ABHD12B: variants seen among roughly 807,000 people sequenced by gnomAD.
ABHD12B encodes the protein abhydrolase domain containing 12B.
In ABHD12B, 42 loss-of-function variants were observed where a neutral mutation model predicts 50.4. The ratio of observed to expected loss-of-function variants is 0.83; its 90% CI spans 0.65 to 1.08. The LOEUF (loss-of-function observed/expected upper bound fraction) is 1.08, where lower values mean the gene tolerates loss of function less well. Among genes scored for constraint, ABHD12B ranks in the 50% least tolerant of loss-of-function variants. The pLI, the probability that ABHD12B is intolerant of heterozygous loss-of-function variation, is 0.00. For missense variants in ABHD12B, 479 were observed against 447.7 expected (o/e 1.07, Z -0.63); for synonymous variants, 167 against 160.3 (o/e 1.04, Z -0.32).
intron 4 of ABHD12B, 37 bp downstream of exon 4, chr14:50,880,608 A>AT (rs752492456): frequency 6.6e-7 from 1 of 1,508,172 alleles, no homozygotes; most frequent in South Asian, 1.3e-5. Context: ...TTTTCAGGAG[A>AT]TTGAGAGCAT....
intron 9 of ABHD12B, chr14:50,893,812 T>G (rs2050153929): frequency 6.5e-6 from 1 of 153,460 alleles, no homozygotes; most frequent in Non-Finnish European, 1.5e-5. Context: ...TCCCTCAACC[T>G]CTTTCTCCTT....
intron 4 of ABHD12B, 97 bp downstream of exon 4, chr14:50,880,668 G>A: frequency 7.6e-7 from 1 of 1,309,278 alleles, no homozygotes; most frequent in Non-Finnish European, 1.0e-6. Context: ...TAACTCTGTA[G>A]GCATGCCTTC....
At chr14:50,890,604 T>A (rs558106200) in intron 9 of ABHD12B, among the ~76,000 whole-genome samples, 91 of 152,344 alleles carry the variant, frequency 6.0e-4, no homozygotes, top group Non-Finnish European at 1.0e-3. Flanking sequence ...ACATTATATT[T>A]GTGGGATTGT....
chr14:50,896,252 T>C (rs28848529), intron 9 of ABHD12B, among the ~76,000 whole-genome samples: 28,936 of 152,000 alleles, frequency 0.19, 3,462 homozygotes, highest in East Asian at 0.45. Flanking sequence ...TAAACTCTCC[T>C]TACAATTCCC....
chr14:50,895,733 C>T (rs1057426585), intron 9 of ABHD12B: 1 of 152,162 alleles, frequency 6.6e-6, no homozygotes, highest in Non-Finnish European at 1.5e-5. Flanking sequence ...GTAGGCCCGT[C>T]CCCTTCTTAA....
intron 1 of ABHD12B, among the ~76,000 whole-genome samples, chr14:50,873,265 C>G (rs1275877578): frequency 6.6e-6 from 1 of 151,838 alleles, no homozygotes; most frequent in African/African-American, 2.4e-5. Flanking sequence ...CTCTGTTGCC[C>G]AGGCTGGAGT....
At chr14:50,899,805 C>T (rs534348488) in intron 9 of ABHD12B, among the ~76,000 whole-genome samples, 1 of 152,012 alleles carries the variant, frequency 6.6e-6, no homozygotes, top group African/African-American at 2.4e-5. Flanking sequence ...GCCTGTAGTC[C>T]CAGCTACTTG....
intron 9 of ABHD12B, among the ~76,000 whole-genome samples, chr14:50,899,098 CA>C: frequency 6.6e-6 from 1 of 152,184 alleles, no homozygotes; most frequent in Admixed American, 6.5e-5. Context: ...GAGGTTGAGG[CA>C]GGAAAATCAC....
chr14:50,897,233 T>C (rs2050210978), intron 9 of ABHD12B, among the ~76,000 whole-genome samples: 1 of 151,794 alleles, frequency 6.6e-6, no homozygotes, highest in African/African-American at 2.4e-5. Flanking sequence ...CCAACACACC[T>C]GGTTAATTTT....
rs566646566 is a variant in ABHD12B at position 50,880,638 on chromosome 14, G to A, written c.455+67G>A. 33 of 1,452,490 alleles carry A rather than the reference G, an allele frequency of 2.3e-5. No homozygotes were observed. In the East Asian group the frequency reaches 7.4e-4, roughly 33 times the overall value. 90.0% of individuals were successfully genotyped at this position (1,452,490 alleles called of 1,614,324 possible). ...GAGCATTTCAGCCCCATGGGGGAAT[G>A]AAGGACAGGGCTCTGTTTTTAACTC... is the stretch of plus-strand genomic sequence containing the variant. On this transcript the variant is annotated intron_variant, in intron 4 of 12. Coordinates refer to ENST00000337334, the MANE Select transcript of ABHD12B (RefSeq NM_001206673.2).
In ABHD12B at chr14:50,904,552, G is replaced by A; in HGVS notation, c.*186G>A. The A allele has an allele frequency of 1.4e-6, 1 of 717,286 alleles. No homozygotes were observed. The highest frequency in any genetic ancestry group is 2.3e-6 in the Non-Finnish European group (1 of 434,038). The allele number at this position is 717,286 out of a possible 1,614,324, so 44.4% of individuals were successfully genotyped here. ...AGGCAGTATGGAATGTTCTTATTTAGCTTATCATAATCTACTTTGTAAAAC... is the reference window on the plus strand; with the variant it reads ...AGGCAGTATGGAATGTTCTTATTTAACTTATCATAATCTACTTTGTAAAAC... On this transcript the variant is annotated 3_prime_UTR_variant, in exon 13 of 13. Transcript: ENST00000337334.
chr14:50,895,806 A>G (rs1183634861), intron 9 of ABHD12B: 3 of 152,184 alleles, frequency 2.0e-5, no homozygotes, highest in Non-Finnish European at 2.9e-5. Flanking sequence ...CCTTGCCTCC[A>G]TAACTGTTGT....
chr14:50,903,937 A>T (rs1430801989), intron 11 of ABHD12B, 137 bp from the exon 12 acceptor site: 1 of 695,076 alleles, frequency 1.4e-6, no homozygotes, highest in Non-Finnish European at 2.5e-6. Flanking sequence ...CAACTGGGAC[A>T]TGGAGAGTTT....
intron 9 of ABHD12B, among the ~76,000 whole-genome samples, chr14:50,900,116 C>T (rs2050246440): frequency 1.3e-5 from 2 of 151,836 alleles, no homozygotes; most frequent in South Asian, 4.2e-4. Flanking sequence ...CCTGTAGTCC[C>T]AGCTACTATG....
rs2050296830 is a variant in ABHD12B, at chr14:50,903,912, A to C, written c.943-162A>C. 4.8e-6 allele frequency: 3 copies of C among 629,618 alleles called. No homozygotes were observed. In the East Asian group the frequency reaches 8.0e-5, roughly 17 times the overall value. 39.0% of individuals were successfully genotyped at this position (629,618 alleles called of 1,614,324 possible). On this transcript the variant is annotated intron_variant, in intron 11 of 12. Coordinates refer to ENST00000337334, the MANE Select transcript of ABHD12B (RefSeq NM_001206673.2). ...TTAGCTGAGCAGCATTCAGATCTTTAGCTGTAGAGACAGGCAACTGGGACA... is the reference window on the plus strand; with the variant it reads ...TTAGCTGAGCAGCATTCAGATCTTTCGCTGTAGAGACAGGCAACTGGGACA...
At chr14:50,896,521 A>T (rs2050200873) in intron 9 of ABHD12B, among the ~76,000 whole-genome samples, 1 of 151,674 alleles carries the variant, frequency 6.6e-6, no homozygotes. Flanking sequence ...AACTGATGAC[A>T]TTCCACCATT....
chr14:50,874,477 G>A (rs1424862510), intron 1 of ABHD12B, among the ~76,000 whole-genome samples: 3 of 152,090 alleles, frequency 2.0e-5, no homozygotes, highest in African/African-American at 4.8e-5. Context: ...GCACATGCCC[G>A]TAGTCCCAGC....
intron 1 of ABHD12B, among the ~76,000 whole-genome samples, chr14:50,874,534 A>G (rs959902335): frequency 6.6e-6 from 1 of 151,964 alleles, no homozygotes; most frequent in African/African-American, 2.4e-5. Flanking sequence ...TGGGAGGCGG[A>G]GGTTGGAGTG....
In ABHD12B at chr14:50,880,499, G is replaced by C; in HGVS notation, c.383G>C (p.Cys128Ser). ...GGGGAAGATGCCAAGGGGAAGGACT[G>C]TTGCTGGTATGAAGCAGCCCTTCGT... is the stretch of plus-strand genomic sequence containing the variant. The part of the protein sequence containing the change: ...CRGEDAKGKD[C>S]CWYEAALRDG... The change falls in exon 4 of 13, where the codon TGT (cysteine) becomes TCT (serine). Residue 128 changes from cysteine to serine, a missense_variant. Coordinates refer to ENST00000337334, the MANE Select transcript of ABHD12B (RefSeq NM_001206673.2). The C allele has an allele frequency of 6.2e-7, 1 of 1,612,186 alleles. No individual in the cohort carries two copies. Among genetic ancestry groups the C allele is most frequent in the South Asian group, 1.1e-5 (1 of 90,750 alleles).
Sources: allele counts gnomAD v4.1 joint callset (sites outside exome capture counted in the v4.1 genomes callset), GRCh38; gene constraint gnomAD v4.1.1; transcripts MANE v1.5; gene names NCBI Gene and HGNC (gene_info 2026-07-23, HGNC 2026-07-21).